Variants in ADGRG6 observed in about 807,000 individuals in gnomAD.
ADGRG6 encodes the protein G-protein coupled receptor 126.
ADGRG6 carries 84 observed loss-of-function variants against 142.4 expected under a neutral mutation model. The ratio of observed to expected loss-of-function variants is 0.59; its 90% CI spans 0.49 to 0.71. The LOEUF (loss-of-function observed/expected upper bound fraction) is 0.71, where lower values mean the gene tolerates loss of function less well. Ranked by LOEUF, ADGRG6 falls within the 30% of genes least tolerant of loss-of-function variation. The pLI is 0.00. For synonymous variants in ADGRG6, 521 were observed against 520.5 expected (o/e 1.00, Z -0.01); for missense variants, 1,367 against 1,466.6 (o/e 0.93, Z 1.11).
chr6:142,414,249 G>A (rs1776242901), intron 18 of ADGRG6, among the ~76,000 whole-genome samples: 1 of 152,020 alleles, frequency 6.6e-6, no homozygotes, highest in African/African-American at 2.4e-5. Flanking sequence ...GTCTCCCTTA[G>A]CACATTGAAA....
intron 2 of ADGRG6, among the ~76,000 whole-genome samples, chr6:142,338,556 A>G (rs1358501521): frequency 6.6e-6 from 1 of 151,364 alleles, no homozygotes; most frequent in African/African-American, 2.4e-5. Context: ...TTTTGTGCTT[A>G]AATAATAGTA....
intron 15 of ADGRG6, among the ~76,000 whole-genome samples, chr6:142,406,225 G>A (rs1009660355): frequency 2.7e-5 from 4 of 147,494 alleles, no homozygotes; most frequent in African/African-American, 1.0e-4. Flanking sequence ...AGTAAGTACT[G>A]TTTACATAAT....
chr6:142,410,627 C>A (rs1482333959), intron 17 of ADGRG6, among the ~76,000 whole-genome samples: 5 of 151,966 alleles, frequency 3.3e-5, no homozygotes, highest in African/African-American at 1.2e-4. Context: ...GCAAAAACTT[C>A]TTTTTTTGAT....
Position 142,443,385 on chromosome 6 carries a change from G to A in ADGRG6, c.3623G>A (p.Gly1208Glu), listed in dbSNP as rs1777849266. Residue 1208 changes from glycine (G) to glutamate (E), a missense_variant, in exon 25 of 25, where the codon GGA becomes GAA. Physicochemically the swap from Gly to Glu is moderately conservative, Grantham distance 98 (BLOSUM62 -2). Coordinates refer to ENST00000367609, the MANE Select transcript of ADGRG6 (RefSeq NM_198569.3). Reference sequence around the variant, plus strand: ...TTGTCAAAACTGGCCCATGCTGATGGAGATCAAACATCAATCATCCCTGTC... The same window carrying A: ...TTGTCAAAACTGGCCCATGCTGATGAAGATCAAACATCAATCATCCCTGTC... Reference protein sequence around the residue: ...KSLSKLAHADGDQTSIIPVHQ... With the variant: ...KSLSKLAHADEDQTSIIPVHQ... The A allele has an allele frequency of 6.2e-7, 1 of 1,612,544 alleles. No homozygotes were observed. The highest frequency in any genetic ancestry group is 1.3e-5 in the African/African-American group (1 of 74,944).
intron 4 of ADGRG6, among the ~76,000 whole-genome samples, chr6:142,380,354 T>C (rs1781713829): frequency 6.6e-6 from 1 of 152,032 alleles, no homozygotes; most frequent in African/African-American, 2.4e-5. Context: ...TCCATTCAGA[T>C]GGTTGTGGGG....
At chr6:142,342,768 A>T (rs1052857664) in intron 2 of ADGRG6, among the ~76,000 whole-genome samples, 1 of 152,084 alleles carries the variant, frequency 6.6e-6, no homozygotes, top group African/African-American at 2.4e-5. Context: ...ATTTGTAATC[A>T]TCTGGCATAA....
chr6:142,339,218 G>A (rs555951198), intron 2 of ADGRG6, among the ~76,000 whole-genome samples: 1 of 152,226 alleles, frequency 6.6e-6, no homozygotes, highest in Non-Finnish European at 1.5e-5. Context: ...ACTTATCACG[G>A]GTCAATAAAC....
intron 3 of ADGRG6, among the ~76,000 whole-genome samples, chr6:142,369,715 A>G (rs1210689503): frequency 6.6e-6 from 1 of 152,234 alleles, no homozygotes; most frequent in African/African-American, 2.4e-5. Context: ...GAATGTTTGG[A>G]AAGAGTGAAA....
chr6:142,350,289 AAAT>A (rs1780105513), intron 2 of ADGRG6, among the ~76,000 whole-genome samples: 1 of 152,250 alleles, frequency 6.6e-6, no homozygotes, highest in African/African-American at 2.4e-5. Flanking sequence ...AGTTGGGAAA[AAAT>A]AATTTTCATT....
intron 4 of ADGRG6, among the ~76,000 whole-genome samples, chr6:142,379,489 C>T (rs1390126229): frequency 2.6e-5 from 4 of 152,264 alleles, no homozygotes; most frequent in African/African-American, 4.8e-5. Flanking sequence ...GTTCACAGGC[C>T]GGGCACGGTG....
intron 2 of ADGRG6, among the ~76,000 whole-genome samples, chr6:142,328,930 T>G (rs1778910271): frequency 6.6e-6 from 1 of 152,154 alleles, no homozygotes; most frequent in South Asian, 2.1e-4. Context: ...ATTTATAATA[T>G]TTTTCTTACT....
intron 2 of ADGRG6, among the ~76,000 whole-genome samples, chr6:142,318,006 A>ATTTATATTACATATTTATATATTATAT (rs1562306660): frequency 0.041 from 1,762 of 43,430 alleles, 45 homozygotes; most frequent in Non-Finnish European, 0.051. Flanking sequence ...TATTATATAT[A>ATTTATATTACATATTTATATATTATAT]ATATTTATGT....
chr6:142,351,761 G>A (rs1780186405), intron 2 of ADGRG6, among the ~76,000 whole-genome samples: 1 of 152,050 alleles, frequency 6.6e-6, no homozygotes. Context: ...GAAACAGACA[G>A]CCTACAGAAG....
chr6:142,383,739 C>T (rs1030676761), intron 5 of ADGRG6, 21 bp from the exon 6 acceptor site: 12 of 1,249,224 alleles, frequency 9.6e-6, no homozygotes, highest in Non-Finnish European at 1.4e-5. Flanking sequence ...AAAATTACAT[C>T]TTTCTCATCT....
chr6:142,398,893 A>G lies in ADGRG6; in HGVS notation c.1567+1138A>G, dbSNP rs73780217. 1.4e-3 allele frequency among the ~76,000 whole-genome samples: 220 copies of G among 152,262 alleles called. 1 individual carries two copies. The highest frequency in any genetic ancestry group is 5.1e-3 in the African/African-American group (213 of 41,564). Reference sequence around the variant, plus strand: ...ATATATATGTATATATTCTGTAAACAATAATCTCTGACTTAAGATCATATT... The same window carrying G: ...ATATATATGTATATATTCTGTAAACGATAATCTCTGACTTAAGATCATATT... On this transcript the variant is annotated intron_variant, in intron 10 of 24. Coordinates refer to ENST00000367609, the MANE Select transcript of ADGRG6 (RefSeq NM_198569.3).
chr6:142,407,233 G>GA (rs1238891986), intron 15 of ADGRG6, among the ~76,000 whole-genome samples: 3 of 148,492 alleles, frequency 2.0e-5, no homozygotes, highest in Non-Finnish European at 4.5e-5. Flanking sequence ...ACAGGAGAAT[G>GA]AAAAAACTTT....
chr6:142,400,373 T>G, intron 10 of ADGRG6, 112 bp from the exon 11 acceptor site: 1 of 611,002 alleles, frequency 1.6e-6, no homozygotes, highest in East Asian at 2.8e-5. Flanking sequence ...GGTATTACAT[T>G]AAAGAAATAC....
At chr6:142,437,616 C>A (rs1046504660) in intron 23 of ADGRG6, 81 bp downstream of exon 23, 2 of 755,526 alleles carry the variant, frequency 2.6e-6, no homozygotes, top group Admixed American at 1.8e-5. Flanking sequence ...CAGAGCAACC[C>A]AGTCCCAGTG....
chr6:142,326,102 T>G (rs1371300736), intron 2 of ADGRG6, among the ~76,000 whole-genome samples: 1 of 152,098 alleles, frequency 6.6e-6, no homozygotes, highest in African/African-American at 2.4e-5. Context: ...TATGCATGCC[T>G]GTAAAAAACT....
Sources: allele counts gnomAD v4.1 joint callset (sites outside exome capture counted in the v4.1 genomes callset), GRCh38; gene constraint gnomAD v4.1.1; transcripts MANE v1.5; gene names NCBI Gene and HGNC (gene_info 2026-07-23, HGNC 2026-07-21).